The following PDE10A variants were observed in gnomAD, a reference collection of about 807,000 sequenced individuals.
PDE10A encodes cAMP and cAMP-inhibited cGMP 3',5'-cyclic phosphodiesterase 10A.
Under a neutral mutation model 97.7 loss-of-function variants are expected in PDE10A, and 39 were observed. That is an observed-to-expected ratio of 0.40 (90% CI 0.31 to 0.52). The LOEUF (loss-of-function observed/expected upper bound fraction) is 0.52. Ranked by LOEUF, PDE10A falls within the 20% of genes least tolerant of loss-of-function variation. The pLI is 0.56. For synonymous variants in PDE10A, 371 were observed against 376.8 expected (o/e 0.98, Z 0.18); for missense variants, 731 against 1,047.8 (o/e 0.70, Z 4.17).
intron 1 of PDE10A, among the ~76,000 whole-genome samples, chr6:165,963,121 T>G (rs1203398269): frequency 6.6e-6 from 1 of 152,194 alleles, no homozygotes; most frequent in African/African-American, 2.4e-5. Context: ...TTCCATCCTT[T>G]GAAATAAAAA....
chr6:165,784,919 G>A (rs574939122), intron 1 of PDE10A, among the ~76,000 whole-genome samples: 17 of 152,282 alleles, frequency 1.1e-4, no homozygotes, highest in Admixed American at 9.8e-4. Flanking sequence ...GAGCTCCTGG[G>A]GAACTGGTTT....
intron 1 of PDE10A, among the ~76,000 whole-genome samples, chr6:165,957,235 C>G (rs1784160721): frequency 6.6e-6 from 1 of 152,164 alleles, no homozygotes; most frequent in Non-Finnish European, 1.5e-5. Context: ...AATTCCAGCA[C>G]TTTGGAAGGC....
intron 1 of PDE10A, among the ~76,000 whole-genome samples, chr6:165,869,837 C>T (rs1366348488): frequency 2.0e-5 from 3 of 152,024 alleles, no homozygotes; most frequent in African/African-American, 7.2e-5. Flanking sequence ...CAAGAACATA[C>T]ATCAGGGAAA....
Position 165,703,601 on chromosome 6 carries a change from GCCC to G in PDE10A, c.-614-160036_-614-160034del, listed in dbSNP as rs540113195. Among the ~76,000 whole-genome samples, 17 of 152,328 alleles carry G rather than the reference GCCC, an allele frequency of 1.1e-4. No homozygotes were observed. The East Asian group carries it at 3.3e-3, about 29-fold the overall frequency. ...AAAGGAACATGGAGAGTGATCTGATGCCCCCTTTTAAGAACACAGGTAAGAACC... is the reference window on the plus strand; with the variant it reads ...AAAGGAACATGGAGAGTGATCTGATGCCTTTTAAGAACACAGGTAAGAACC... On this transcript the variant is annotated intron_variant, in intron 1 of 19. Coordinates refer to the PDE10A transcript ENST00000366882.
chr6:165,947,688 C>T (rs998259213), intron 1 of PDE10A, among the ~76,000 whole-genome samples: 5 of 152,140 alleles, frequency 3.3e-5, no homozygotes, highest in African/African-American at 7.2e-5. Flanking sequence ...TATGGACTCA[C>T]GTATTTTTAT....
At chr6:165,666,368 G>A (rs931691519), upstream of PDE10A, among the ~76,000 whole-genome samples, 2 of 152,130 alleles carry the variant, frequency 1.3e-5, no homozygotes, top group African/African-American at 2.4e-5. Flanking sequence ...CTACCAAAAT[G>A]CACGTTCCCT....
chr6:165,763,444 C>A (rs1056937999), intron 1 of PDE10A, among the ~76,000 whole-genome samples: 1 of 152,028 alleles, frequency 6.6e-6, no homozygotes, highest in Non-Finnish European at 1.5e-5. Context: ...TGCCTCAGCC[C>A]CCCCAGTAGC....
intron 3 of PDE10A, among the ~76,000 whole-genome samples, chr6:165,455,984 C>G (rs2128253499): frequency 6.6e-6 from 1 of 152,314 alleles, no homozygotes; most frequent in Middle Eastern, 3.4e-3. Context: ...TCTAATGACT[C>G]TAAAATATGA....
At chr6:165,570,792 A>G (rs1294403161) in intron 1 of PDE10A, among the ~76,000 whole-genome samples, 1 of 152,210 alleles carries the variant, frequency 6.6e-6, no homozygotes, top group Non-Finnish European at 1.5e-5. Context: ...TATTAGTAGC[A>G]TTATGTTCTA....
chr6:165,428,259 T>A (rs1789306279), intron 10 of PDE10A, among the ~76,000 whole-genome samples: 1 of 152,058 alleles, frequency 6.6e-6, no homozygotes, highest in African/African-American at 2.4e-5. Context: ...TCATACAGCT[T>A]TAGGCTCAAA....
At chr6:165,963,004 A>G (rs1784404107) in intron 1 of PDE10A, among the ~76,000 whole-genome samples, 2 of 152,268 alleles carry the variant, frequency 1.3e-5, no homozygotes, top group South Asian at 4.1e-4. Flanking sequence ...AATTGCTATG[A>G]TAACCAGCCA....
chr6:165,413,177 T>G (rs1248876442), intron 13 of PDE10A, among the ~76,000 whole-genome samples: 1 of 152,170 alleles, frequency 6.6e-6, no homozygotes, highest in East Asian at 1.9e-4. Context: ...CAGTCAAGGT[T>G]TAGGTAGCAT....
intron 1 of PDE10A, among the ~76,000 whole-genome samples, chr6:165,600,054 C>T (rs864346): frequency 1.3e-5 from 2 of 151,894 alleles, no homozygotes; most frequent in Admixed American, 6.6e-5. Flanking sequence ...ACAGTCCGAC[C>T]GGGGAATCCT....
At chr6:165,888,613 G>A (rs1164281499) in intron 1 of PDE10A, among the ~76,000 whole-genome samples, 1 of 152,144 alleles carries the variant, frequency 6.6e-6, no homozygotes, top group Non-Finnish European at 1.5e-5. Context: ...ATTGCCTTCT[G>A]CGGGAATGTA....
intron 1 of PDE10A, among the ~76,000 whole-genome samples, chr6:165,753,327 A>G (rs1042795690): frequency 3.9e-5 from 6 of 152,178 alleles, no homozygotes; most frequent in African/African-American, 9.6e-5. Flanking sequence ...ACTCTTCACA[A>G]TGATCCCCGT....
chr6:165,369,930 T>A (rs1475225695), intron 18 of PDE10A, among the ~76,000 whole-genome samples: 2 of 152,110 alleles, frequency 1.3e-5, no homozygotes, highest in African/African-American at 2.4e-5. Flanking sequence ...TATTCAACAT[T>A]CTTAAAAGAA....
intron 1 of PDE10A, among the ~76,000 whole-genome samples, chr6:165,901,124 C>T (rs11754383): frequency 0.059 from 8,995 of 152,184 alleles, 386 homozygotes; most frequent in South Asian, 0.13. Flanking sequence ...TTGATGATTC[C>T]GCAGCGAAAC....
intron 1 of PDE10A, among the ~76,000 whole-genome samples, chr6:165,800,444 C>T (rs1270041250): frequency 1.3e-5 from 2 of 152,204 alleles, no homozygotes; most frequent in Non-Finnish European, 2.9e-5. Context: ...TCGGCTGGAA[C>T]TGCGGCCAGC....
At chr6:165,725,773 C>T (rs775270481) in intron 1 of PDE10A, among the ~76,000 whole-genome samples, 1 of 152,212 alleles carries the variant, frequency 6.6e-6, no homozygotes, top group Non-Finnish European at 1.5e-5. Flanking sequence ...CCCCCATGCT[C>T]CTGTTTCTAC....
Sources: allele counts gnomAD v4.1 joint callset (sites outside exome capture counted in the v4.1 genomes callset), GRCh38; gene constraint gnomAD v4.1.1; transcripts MANE v1.5; gene names NCBI Gene and HGNC (gene_info 2026-07-23, HGNC 2026-07-21).